Variants in ZWILCH observed in about 807,000 individuals in gnomAD.
The protein encoded by ZWILCH is zwilch kinetochore protein, also known as protein zwilch homolog.
A neutral mutation model predicts 79.9 loss-of-function variants in ZWILCH; 74 were observed. That is an observed-to-expected ratio of 0.93 (90% confidence interval 0.77 to 1.12). The LOEUF is 1.12. Among genes scored for constraint, ZWILCH ranks in the 50% most tolerant of loss-of-function variants. The pLI is 0.00. For synonymous variants in ZWILCH, 241 were observed against 228.2 expected, an observed-to-expected ratio of 1.06 and a Z score of -0.51; for missense variants, 694 against 687.5, an observed-to-expected ratio of 1.01 and a Z score of -0.11.
chr15:66,538,398 T>C (rs1028359070), intron 16 of ZWILCH, among the ~76,000 whole-genome samples: 2 of 152,108 alleles, frequency 1.3e-5, no homozygotes, highest in Non-Finnish European at 2.9e-5. Context: ...TTTTTTTTTT[T>C]TTAGACAGAG....
At position 66,505,350 on chromosome 15, in the gene ZWILCH, G is replaced by A. The variant is rs540211466; in HGVS notation, c.12G>A (p.Arg4=). 3.2e-4 allele frequency: 514 copies of A among 1,613,928 alleles called. No homozygotes were observed. The highest frequency in any genetic ancestry group is 4.2e-4 in the Non-Finnish European group (491 of 1,180,006). MWE[R]LNCAAEDFYS... ...CACATTGGGGCGGGATGTGGGAGCG[G>A]CTGAACTGCGCAGCAGAGGACTTTT... The change falls in exon 1 of 19, where the codon CGG becomes CGA. Residue 4 remains arginine (R), a synonymous_variant. Coordinates refer to ENST00000307897, the MANE Select transcript of ZWILCH (RefSeq NM_017975.5).
intron 13 of ZWILCH, 79 bp downstream of exon 13, chr15:66,532,482 C>A: frequency 7.6e-7 from 1 of 1,312,362 alleles, no homozygotes; most frequent in Non-Finnish European, 1.0e-6. Context: ...TTTTCTGTTT[C>A]TGCTTGTCCC....
intron 4 of ZWILCH, among the ~76,000 whole-genome samples, chr15:66,516,034 C>T (rs1287641392): frequency 6.6e-6 from 1 of 152,204 alleles, no homozygotes; most frequent in Non-Finnish European, 1.5e-5. Flanking sequence ...GAATGACACA[C>T]AGGAACTTTC....
intron 14 of ZWILCH, among the ~76,000 whole-genome samples, chr15:66,533,345 C>A (rs908491069): frequency 6.6e-6 from 1 of 152,102 alleles, no homozygotes; most frequent in Non-Finnish European, 1.5e-5. Flanking sequence ...TTTATTTTCT[C>A]TTTATTCATT....
intron 3 of ZWILCH, 55 bp downstream of exon 3, chr15:66,514,138 T>G (rs1894170940): frequency 3.1e-6 from 4 of 1,298,456 alleles, no homozygotes; most frequent in Non-Finnish European, 4.3e-6. Flanking sequence ...AAATTTGGTT[T>G]CTTGGGAATA....
chr15:66,517,517 C>T (rs67926038), intron 4 of ZWILCH, among the ~76,000 whole-genome samples: 140,596 of 140,604 alleles, frequency 1, 70,294 homozygotes, highest in Middle Eastern at 1. Context: ...GAAGATCTGG[C>T]ACTCTTTTAC....
chr15:66,510,482 G>A (rs1894018761), intron 2 of ZWILCH, among the ~76,000 whole-genome samples: 1 of 151,886 alleles, frequency 6.6e-6, no homozygotes, highest in East Asian at 1.9e-4. Context: ...CATGCAAATA[G>A]AGTTACCTTT....
chr15:66,528,211 C>T (rs1211561239), intron 10 of ZWILCH, among the ~76,000 whole-genome samples: 1 of 152,218 alleles, frequency 6.6e-6, no homozygotes, highest in East Asian at 1.9e-4. Context: ...TCAAGCGATC[C>T]TCCCACCTCA....
chr15:66,517,430 G>GTGTGTATA, intron 4 of ZWILCH, among the ~76,000 whole-genome samples: 6,997 of 66,434 alleles, frequency 0.11, 413 homozygotes, highest in Non-Finnish European at 0.12. Context: ...GTGTGTGTGT[G>GTGTGTATA]TATATATATA....
intron 17 of ZWILCH, among the ~76,000 whole-genome samples, chr15:66,544,724 T>TTTTTGTG: frequency 7.8e-6 from 1 of 128,544 alleles, no homozygotes. Context: ...TTTTTGGTTT[T>TTTTTGTG]TGTGTGTGTG....
chr15:66,514,225 C>T, intron 3 of ZWILCH, 142 bp downstream of exon 3: 1 of 483,682 alleles, frequency 2.1e-6, no homozygotes, highest in Non-Finnish European at 3.7e-6. Context: ...TAGTGCTGTC[C>T]AGTACAAATA....
At position 66,521,060 on chromosome 15, in the gene ZWILCH, A is replaced by G; in HGVS notation, c.602A>G (p.Lys201Arg). Residue 201 changes from lysine to arginine, a missense_variant, in exon 7 of 19, where the codon AAA becomes AGA. By Grantham distance (26) the Lys-to-Arg change is conservative (BLOSUM62 2). Transcript: ENST00000307897. ...KRHHLSTVTSKGFAQYELFKS... is the reference protein window; with the variant it reads ...KRHHLSTVTSRGFAQYELFKS... ...GTACACTCTTTTCAGGTAACATCCA[A>G]AGGCTTTGCCCAGTATGAGCTCTTT... 6.2e-7 allele frequency: 1 copy of G among 1,614,140 alleles called. No homozygotes were observed. Among genetic ancestry groups the G allele is most frequent in the Middle Eastern group, 1.6e-4 (1 of 6,062 alleles).
chr15:66,545,481 CTT>C (rs1414741887), intron 17 of ZWILCH, among the ~76,000 whole-genome samples: 1 of 152,144 alleles, frequency 6.6e-6, no homozygotes, highest in Non-Finnish European at 1.5e-5. Context: ...CATTTAATGT[CTT>C]TTTGACATGG....
In ZWILCH at chr15:66,540,225, T is replaced by A. The variant is rs1895151403; in HGVS notation, c.1687+15T>A. 6.3e-7 allele frequency: 1 copy of A among 1,574,818 alleles called. No homozygotes were observed. The highest frequency in any genetic ancestry group is 1.1e-5 in the South Asian group (1 of 89,684). On this transcript the variant is annotated intron_variant, in intron 17 of 18. Coordinates refer to ENST00000307897, the MANE Select transcript of ZWILCH (RefSeq NM_017975.5). The stretch of plus-strand genomic sequence containing the variant: ...TCACAAACCTGGTAAAGATGGTTTA[T>A]AATCTGTTCAGATAAATAATTCCAA...
At chr15:66,527,234 T>C (rs1237959624) in intron 8 of ZWILCH, 56 bp from the exon 9 acceptor site, 1 of 1,198,778 alleles carries the variant, frequency 8.3e-7, no homozygotes, top group Non-Finnish European at 1.2e-6. Context: ...TACATCCTTA[T>C]TGATTAAACA....
At chr15:66,544,380 G>A (rs540741765) in intron 17 of ZWILCH, among the ~76,000 whole-genome samples, 1 of 152,022 alleles carries the variant, frequency 6.6e-6, no homozygotes, top group East Asian at 1.9e-4. Flanking sequence ...CACCCCAGCT[G>A]GAGTGCAGTG....
At chr15:66,529,324 G>C (rs1339908010) in intron 11 of ZWILCH, among the ~76,000 whole-genome samples, 170 bp from the exon 12 acceptor site, 3 of 149,682 alleles carry the variant, frequency 2.0e-5, no homozygotes, top group African/African-American at 7.3e-5. Context: ...TCTTTCTTTA[G>C]AAATTCATTA....
At position 66,537,048 on chromosome 15, in the gene ZWILCH, C is replaced by T. The variant is rs111564528; in HGVS notation, c.1479-120C>T. 2,635 of 550,210 alleles carry T rather than the reference C, an allele frequency of 4.8e-3. 43 individuals are homozygous for T. Among genetic ancestry groups the T allele is most frequent in the African/African-American group, 0.045 (2,341 of 51,612 alleles). The allele number at this position is 550,210 out of a possible 1,614,324, so 34.1% of individuals were successfully genotyped here. Reference sequence around the variant, plus strand: ...TTACTTTTGTGGCTCTAAAAGTGTTCGCTGATGTTTTAGTTAGTAGTACTC... The same window carrying T: ...TTACTTTTGTGGCTCTAAAAGTGTTTGCTGATGTTTTAGTTAGTAGTACTC... On this transcript the variant is annotated intron_variant, in intron 15 of 18. Transcript: ENST00000307897.
chr15:66,532,369 C>T lies in ZWILCH; in HGVS notation c.1278C>T (p.Asp426=), dbSNP rs754542306. The T allele has an allele frequency of 1.9e-6, 3 of 1,610,100 alleles. No individual in the cohort carries two copies. The highest frequency in any genetic ancestry group is 2.2e-5 in the South Asian group (2 of 90,310). Residue 426 remains aspartate, a synonymous_variant, in exon 13 of 19, where the codon GAC becomes GAT. Transcript: ENST00000307897. ...AAATGCTTTTGGAAATTGGTTTGGA[C>T]AAACTAAAGAAAGATTATATCAGTT... ...PVQMLLEIGL[D]KLKKDYISFF... is the part of the protein sequence containing the mutation.
Sources: allele counts gnomAD v4.1 joint callset (sites outside exome capture counted in the v4.1 genomes callset), GRCh38; gene constraint gnomAD v4.1.1; transcripts MANE v1.5; gene names NCBI Gene and HGNC (gene_info 2026-07-23, HGNC 2026-07-21).